MTREX: variants seen among roughly 807,000 people sequenced by gnomAD.
MTREX encodes Mtr4 exosome RNA helicase, also known as exosome RNA helicase MTR4.
MTREX carries 76 observed loss-of-function variants against 135.4 expected under a neutral mutation model. The ratio of observed to expected loss-of-function variants is 0.56; its 90% CI spans 0.47 to 0.68. The LOEUF is 0.68. MTREX is among the 30% of genes least tolerant of loss of function. The pLI is 0.00. For synonymous variants in MTREX, 404 were observed against 401.6 expected (o/e 1.01, Z -0.07); for missense variants, 920 against 1,262.1 (o/e 0.73, Z 4.11).
intron 12 of MTREX, among the ~76,000 whole-genome samples, chr5:55,349,958 T>C (rs1039601100): frequency 1.3e-5 from 2 of 152,226 alleles, no homozygotes; most frequent in Non-Finnish European, 2.9e-5. Flanking sequence ...TCCAGAAGGC[T>C]ACCACATAAA....
At chr5:55,361,935 G>T (rs1355972507) in intron 15 of MTREX, among the ~76,000 whole-genome samples, 2 of 132,260 alleles carry the variant, frequency 1.5e-5, no homozygotes, top group African/African-American at 3.0e-5. Context: ...TTTGTTTTTG[G>T]AGACAAGGTC....
At chr5:55,377,998 CAA>C (rs56851771) in intron 16 of MTREX, among the ~76,000 whole-genome samples, 3 of 134,936 alleles carry the variant, frequency 2.2e-5, no homozygotes. Context: ...CGGAAAGGTG[CAA>C]AAAAAAAAAA....
At chr5:55,322,730 T>C (rs919072258) in intron 2 of MTREX, among the ~76,000 whole-genome samples, 3 of 152,104 alleles carry the variant, frequency 2.0e-5, no homozygotes, top group Admixed American at 6.6e-5. Flanking sequence ...AAAAAATACG[T>C]TTTCTTTATT....
intron 18 of MTREX, among the ~76,000 whole-genome samples, chr5:55,381,226 C>T (rs13357343): frequency 0.14 from 21,334 of 151,706 alleles, 1,892 homozygotes; most frequent in East Asian, 0.26. Context: ...TTTTTTCCCT[C>T]TATTTTTCTG....
chr5:55,315,113 T>C (rs1749178375), intron 1 of MTREX, among the ~76,000 whole-genome samples: 1 of 152,172 alleles, frequency 6.6e-6, no homozygotes, highest in South Asian at 2.1e-4. Context: ...TGTGTGAGAG[T>C]ACTTTATGGC....
At chr5:55,373,314 AT>A (rs1750237757) in intron 16 of MTREX, among the ~76,000 whole-genome samples, 1 of 151,640 alleles carries the variant, frequency 6.6e-6, no homozygotes, top group Non-Finnish European at 1.5e-5. Flanking sequence ...CTCCATTAGT[AT>A]TAGATTATGT....
intron 24 of MTREX, 111 bp downstream of exon 24, chr5:55,414,349 C>A: frequency 1.2e-6 from 1 of 854,564 alleles, no homozygotes; most frequent in Non-Finnish European, 1.7e-6. Context: ...CAGAGATAAC[C>A]TATAAGGATT....
chr5:55,397,828 G>A (rs1164920150), intron 20 of MTREX, among the ~76,000 whole-genome samples: 1 of 152,184 alleles, frequency 6.6e-6, no homozygotes, highest in Non-Finnish European at 1.5e-5. Flanking sequence ...ATAAAATCAT[G>A]TACTGACAGG....
intron 1 of MTREX, among the ~76,000 whole-genome samples, chr5:55,309,180 G>A (rs959850161): frequency 3.3e-5 from 5 of 152,158 alleles, no homozygotes; most frequent in Admixed American, 2.0e-4. Context: ...AGCATAAATT[G>A]AGCAAGAGGA....
intron 11 of MTREX, among the ~76,000 whole-genome samples, chr5:55,347,988 C>T (rs1749766481): frequency 1.3e-5 from 2 of 152,252 alleles, no homozygotes; most frequent in African/African-American, 2.4e-5. Context: ...AAGAGACACC[C>T]GCATGATTCA....
chr5:55,344,679 G>T lies in MTREX; in HGVS notation c.1005+59G>T, dbSNP rs960210374. 6.2e-6 allele frequency: 6 copies of T among 965,186 alleles called. No homozygotes were observed. In the African/African-American group the frequency reaches 8.5e-5, roughly 14 times the overall value. 59.8% of individuals were successfully genotyped at this position (965,186 alleles called of 1,614,324 possible). ...TGTCATACTTTATTATTAATATCTTGTTGTTGTTGTTTTTAAATTTTGAAT... is the reference window on the plus strand; with the variant it reads ...TGTCATACTTTATTATTAATATCTTTTTGTTGTTGTTTTTAAATTTTGAAT... On this transcript the variant is annotated intron_variant, in intron 9 of 26. Transcript: ENST00000230640.
chr5:55,393,797 C>G (rs1199030844), intron 19 of MTREX, among the ~76,000 whole-genome samples: 1 of 152,116 alleles, frequency 6.6e-6, no homozygotes, highest in Non-Finnish European at 1.5e-5. Context: ...CTGCCATATG[C>G]AAATATTATG....
At chr5:55,372,892 ATGTGTGTGTGTGTGTGTGTGTG>A (rs59026723) in intron 16 of MTREX, among the ~76,000 whole-genome samples, 19 of 120,990 alleles carry the variant, frequency 1.6e-4, no homozygotes, top group East Asian at 1.0e-3. Context: ...TAAAACTGTA[ATGTGTGTGTGTGTGTGTGTGTG>A]TGTGTGTGTG....
At chr5:55,335,352 A>G (rs1371642547) in intron 5 of MTREX, among the ~76,000 whole-genome samples, 2 of 152,060 alleles carry the variant, frequency 1.3e-5, no homozygotes, top group African/African-American at 2.4e-5. Flanking sequence ...TGCAATTGGT[A>G]TACCTAAGAA....
chr5:55,348,489 T>C (rs369563244), intron 11 of MTREX, among the ~76,000 whole-genome samples: 8 of 152,334 alleles, frequency 5.3e-5, no homozygotes, highest in African/African-American at 1.9e-4. Context: ...ACTCTGCCTT[T>C]TGCACATGTA....
intron 14 of MTREX, among the ~76,000 whole-genome samples, chr5:55,357,971 C>T (rs1481583592): frequency 1.3e-5 from 2 of 152,102 alleles, no homozygotes; most frequent in Non-Finnish European, 2.9e-5. Flanking sequence ...TCTCATTTTG[C>T]AGATTCAGAA....
At chr5:55,352,801 G>A (rs1434710881) in intron 13 of MTREX, among the ~76,000 whole-genome samples, 3 of 152,144 alleles carry the variant, frequency 2.0e-5, no homozygotes, top group Admixed American at 1.3e-4. Flanking sequence ...TAATACTGAA[G>A]TGGTCCTCAA....
chr5:55,350,781 T>G, intron 12 of MTREX, 138 bp from the exon 13 acceptor site: 1 of 722,172 alleles, frequency 1.4e-6, no homozygotes, highest in Non-Finnish European at 2.2e-6. Flanking sequence ...AGGTTTGAGT[T>G]TTGCTTTTAT....
intron 21 of MTREX, 22 bp from the exon 22 acceptor site, chr5:55,405,403 T>C (rs1488530792): frequency 6.3e-7 from 1 of 1,591,044 alleles, no homozygotes; most frequent in Non-Finnish European, 8.6e-7. Flanking sequence ...TTGAACTTTC[T>C]TTATACTTTC....
Sources: allele counts gnomAD v4.1 joint callset (sites outside exome capture counted in the v4.1 genomes callset), GRCh38; gene constraint gnomAD v4.1.1; transcripts MANE v1.5; gene names NCBI Gene and HGNC (gene_info 2026-07-23, HGNC 2026-07-21).